AMZ2: variants seen among roughly 807,000 people sequenced by gnomAD.
AMZ2 encodes the protein archaemetzincin-2.
AMZ2 carries 26 observed loss-of-function variants against 36.7 expected under a neutral mutation model. That is an observed-to-expected ratio of 0.71 (90% confidence interval 0.52 to 0.98). The LOEUF is 0.98. Among genes scored for constraint, AMZ2 ranks in the 50% least tolerant of loss-of-function variants. The probability of loss-of-function intolerance (pLI) is 0.00; values close to 1 mark genes in which losing one functional copy is unlikely to be tolerated. For synonymous variants in AMZ2, 144 were observed against 149.1 expected, an observed-to-expected ratio of 0.97 and a Z score of 0.25; for missense variants, 394 against 430.5, an observed-to-expected ratio of 0.92 and a Z score of 0.75.
intron 1 of AMZ2, among the ~76,000 whole-genome samples, chr17:68,221,789 G>A (rs1201289265): frequency 6.6e-6 from 1 of 152,104 alleles, no homozygotes; most frequent in East Asian, 1.9e-4. Flanking sequence ...AGCTACTCAG[G>A]TGGCTGAGGC....
chr17:68,250,204 A>G lies in AMZ2; in HGVS notation c.17A>G (p.His6Arg). Reference sequence around the variant, plus strand: ...TTTTGTTAGATGCAAATAATACGGCACTCCGAACAGACACTAAAAACAGCT... The same window carrying G: ...TTTTGTTAGATGCAAATAATACGGCGCTCCGAACAGACACTAAAAACAGCT... MQIIR[H>R]SEQTLKTALI... The change falls in exon 2 of 7, where the codon CAC (histidine) becomes CGC (arginine). Residue 6 changes from histidine to arginine, a missense_variant. By Grantham distance (29) the His-to-Arg change is conservative (BLOSUM62 0). Transcript: ENST00000359904. The G allele has an allele frequency of 3.1e-6, 5 of 1,613,828 alleles. No homozygotes were observed. Among genetic ancestry groups the G allele is most frequent in the Non-Finnish European group, 4.2e-6 (5 of 1,179,906 alleles).
chr17:68,249,018 G>A lies in AMZ2; in HGVS notation c.-1+313G>A, dbSNP rs1464419329. On this transcript the variant is annotated intron_variant, in intron 1 of 6. Transcript: ENST00000359904. ...TTTCCTTAATTCAAAAAGCCTCGTG[G>A]TGGAACATCGGACCCATTCAAGAGG... 16 of 1,123,010 alleles carry A rather than the reference G, an allele frequency of 1.4e-5. 1 individual carries two copies. The highest frequency in any genetic ancestry group is 1.6e-5 in the African/African-American group (1 of 61,794). The allele number at this position is 1,123,010 out of a possible 1,614,324, so 69.6% of individuals were successfully genotyped here. A position where few individuals can be genotyped will look rare whatever the true frequency, so the allele number is the denominator to read the frequency against.
chr17:68,222,759 A>G (rs1470566178), intron 1 of AMZ2, among the ~76,000 whole-genome samples: 1 of 152,182 alleles, frequency 6.6e-6, no homozygotes, highest in Admixed American at 6.6e-5. Flanking sequence ...CTGATCTGAC[A>G]GGAGGCGGAG....
Position 68,226,140 on chromosome 17 carries a change from A to G in AMZ2, c.-67+19902A>G, listed in dbSNP as rs1599322716. Among the ~76,000 whole-genome samples the G allele has an allele frequency of 2.0e-5, 3 of 152,224 alleles. No individual in the cohort carries two copies. The East Asian group carries it at 5.8e-4, about 29-fold the overall frequency. On this transcript the variant is annotated intron_variant, in intron 1 of 7. Transcript: ENST00000674770. ...CCGACTGGCCCGAAGTGGATTTGCT[A>G]GAGTGACAGGCAGCAAAATTAATTC...
intron 1 of AMZ2, among the ~76,000 whole-genome samples, chr17:68,219,593 A>ACTATG (rs1438771142): frequency 6.6e-6 from 1 of 152,116 alleles, no homozygotes; most frequent in Non-Finnish European, 1.5e-5. Flanking sequence ...GTGCAGTGGC[A>ACTATG]CAGTCATAGG....
chr17:68,209,630 A>ATTTTTTTTT (rs1339157573), intron 1 of AMZ2, among the ~76,000 whole-genome samples: 2 of 98,482 alleles, frequency 2.0e-5, no homozygotes, highest in Non-Finnish European at 1.9e-5. Flanking sequence ...ATATATATAT[A>ATTTTTTTTT]TATTTTTTTT....
At chr17:68,216,255 C>A (rs1487884504) in intron 1 of AMZ2, among the ~76,000 whole-genome samples, 1 of 152,052 alleles carries the variant, frequency 6.6e-6, no homozygotes, top group Non-Finnish European at 1.5e-5. Flanking sequence ...CACCTCAGCC[C>A]CCCTAGGAGC....
chr17:68,248,196 G>A lies in AMZ2; in HGVS notation c.-510G>A. The A allele has an allele frequency of 3.0e-6, 3 of 986,496 alleles. No homozygotes were observed. In the African/African-American group the frequency reaches 5.2e-5, roughly 17 times the overall value. 61.1% of individuals were successfully genotyped at this position (986,496 alleles called of 1,614,324 possible). A position where few individuals can be genotyped will look rare whatever the true frequency, so the allele number is the denominator to read the frequency against. On this transcript the variant is annotated 5_prime_UTR_variant, in exon 1 of 7. Transcript: ENST00000359904. ...GTCGTAGAGGCGGGGGCCGGTCGCG[G>A]TCGGTGGAGCGGGATGAGGATGTAG... is the stretch of plus-strand genomic sequence containing the variant.
chr17:68,255,010 G>A (rs1216448522), intron 5 of AMZ2, among the ~76,000 whole-genome samples: 2 of 152,184 alleles, frequency 1.3e-5, no homozygotes, highest in East Asian at 1.9e-4. Flanking sequence ...TCCCCAACTC[G>A]GTTTTGTGGA....
chr17:68,237,881 C>T (rs1555733081), intron 1 of AMZ2, among the ~76,000 whole-genome samples: 1 of 152,130 alleles, frequency 6.6e-6, no homozygotes, highest in African/African-American at 2.4e-5. Flanking sequence ...TTCCCTCCCC[C>T]AGAAAGTCTA....
intron 4 of AMZ2, among the ~76,000 whole-genome samples, chr17:68,252,195 T>G (rs1365214501): frequency 6.6e-6 from 1 of 152,192 alleles, no homozygotes; most frequent in African/African-American, 2.4e-5. Context: ...TCCTGAGAGT[T>G]TATGGTCTGT....
At chr17:68,208,519 C>T (rs1358070803) in intron 1 of AMZ2, among the ~76,000 whole-genome samples, 1 of 152,080 alleles carries the variant, frequency 6.6e-6, no homozygotes, top group Non-Finnish European at 1.5e-5. Context: ...TCAAAAGAGA[C>T]CACTCGGCTC....
At position 68,250,803 on chromosome 17, in the gene AMZ2, G is replaced by A. The variant is rs1219508956; in HGVS notation, c.293G>A (p.Gly98Glu). 6.3e-7 allele frequency: 1 copy of A among 1,577,398 alleles called. No homozygotes were observed. The highest frequency in any genetic ancestry group is 1.2e-5 in the South Asian group (1 of 84,676). Residue 98 changes from glycine (G) to glutamate (E), a missense_variant, in exon 3 of 7, where the codon GGA becomes GAA. Coordinates refer to ENST00000359904, the MANE Select transcript of AMZ2 (RefSeq NM_016627.5). Reference protein sequence around the residue: ...SIYIQSIGSLGNTRIISEEYI... With the variant: ...SIYIQSIGSLENTRIISEEYI... ...TTCTTCCATATTGTAGGCTCTCTAG[G>A]AAACACCAGAATTATCAGTGAAGAA...
At chr17:68,206,215 A>G in exon 1 of AMZ2, 2 of 1,303,544 alleles carry the variant, frequency 1.5e-6, no homozygotes, top group East Asian at 5.6e-5. Flanking sequence ...TTCAGGAGCC[A>G]TAGTACCTAC....
upstream of AMZ2, among the ~76,000 whole-genome samples, chr17:68,246,217 A>AAAAAAAAAAAAC (rs2074005014): frequency 6.7e-6 from 1 of 148,902 alleles, no homozygotes; most frequent in African/African-American, 2.5e-5. Flanking sequence ...AAAAAAAAAA[A>AAAAAAAAAAAAC]ATTAGCCGGG....
At chr17:68,232,141 A>C (rs1172610877) in intron 1 of AMZ2, among the ~76,000 whole-genome samples, 2 of 150,990 alleles carry the variant, frequency 1.3e-5, no homozygotes, top group Non-Finnish European at 2.9e-5. Context: ...AAAAAAAAAA[A>C]AGGTATATTT....
upstream of AMZ2, among the ~76,000 whole-genome samples, chr17:68,243,322 A>C (rs2073941924): frequency 6.6e-6 from 1 of 152,096 alleles, no homozygotes; most frequent in South Asian, 2.1e-4. Context: ...TTTAGTAGAG[A>C]TGAGGTTTCA....
intron 1 of AMZ2, among the ~76,000 whole-genome samples, chr17:68,216,025 G>T (rs373841160): frequency 0.01 from 1,594 of 152,262 alleles, 24 homozygotes; most frequent in African/African-American, 0.037. Flanking sequence ...GCAACATTTA[G>T]TGAGCACTTC....
intron 4 of AMZ2, among the ~76,000 whole-genome samples, chr17:68,254,119 T>C (rs1417774404): frequency 6.6e-6 from 1 of 152,232 alleles, no homozygotes; most frequent in Non-Finnish European, 1.5e-5. Context: ...AAAGACTTCT[T>C]TTGTGGGAAA....
Sources: gnomAD v4.1 joint callset for allele counts (sites outside exome capture counted in the v4.1 genomes callset) on GRCh38, gnomAD v4.1.1 for gene constraint, MANE v1.5 for transcripts, NCBI Gene and HGNC (gene_info 2026-07-23, HGNC 2026-07-21) for gene names.